ZMAT4: variants seen among roughly 807,000 people sequenced by gnomAD.
ZMAT4 encodes zinc finger matrin-type 4.
ZMAT4 carries 17 observed loss-of-function variants against 28.7 expected under a neutral mutation model. The ratio of observed to expected loss-of-function variants is 0.59; its 90% CI spans 0.41 to 0.89. The LOEUF is 0.89. Among genes scored for constraint, ZMAT4 ranks in the 40% least tolerant of loss-of-function variants. ZMAT4 has a pLI of 0.00. For missense variants in ZMAT4, 240 were observed against 283.8 expected (o/e 0.85, Z 1.11); for synonymous variants, 117 against 109.2 (o/e 1.07, Z -0.44).
rs559741020 is a variant in ZMAT4, at chr8:40,532,090, G to T, written c.*133C>A. ...TCATTTCCAAAAATCAAGATCAGTC[G>T]TATGTGAATCTGTGAATCCTTATAA... On this transcript the variant is annotated 3_prime_UTR_variant, in exon 7 of 7. Transcript: ENST00000297737. 8 of 762,046 alleles carry T rather than the reference G, an allele frequency of 1.0e-5. No individual in the cohort carries two copies. Among genetic ancestry groups the T allele is most frequent in the Non-Finnish European group, 1.5e-5 (8 of 528,716 alleles). The allele number at this position is 762,046 out of a possible 1,614,324, so 47.2% of individuals were successfully genotyped here.
At chr8:40,570,330 A>G (rs1439577705) in intron 6 of ZMAT4, among the ~76,000 whole-genome samples, 1 of 151,750 alleles carries the variant, frequency 6.6e-6, no homozygotes, top group Admixed American at 6.6e-5. Flanking sequence ...GATGACTGTC[A>G]AAACCCATCA....
At chr8:40,673,939 G>A (rs979498615) in intron 5 of ZMAT4, among the ~76,000 whole-genome samples, 7 of 152,110 alleles carry the variant, frequency 4.6e-5, no homozygotes, top group Admixed American at 1.3e-4. Context: ...CTGTCTTGCC[G>A]TGATTTCCCG....
At chr8:40,757,014 G>A (rs568686359) in intron 3 of ZMAT4, among the ~76,000 whole-genome samples, 13 of 152,126 alleles carry the variant, frequency 8.5e-5, no homozygotes, top group African/African-American at 2.2e-4. Flanking sequence ...CAGCCCTCTC[G>A]TGTTTTGGAA....
chr8:40,699,738 C>A (rs757677611), intron 3 of ZMAT4, among the ~76,000 whole-genome samples: 1 of 152,178 alleles, frequency 6.6e-6, no homozygotes, highest in Non-Finnish European at 1.5e-5. Context: ...TAACTACTTA[C>A]GCATGACATA....
intron 5 of ZMAT4, among the ~76,000 whole-genome samples, chr8:40,665,072 G>C (rs983245837): frequency 6.6e-6 from 1 of 152,168 alleles, no homozygotes; most frequent in Admixed American, 6.5e-5. Context: ...CAGGCGTGGT[G>C]GTGGGCACCT....
In ZMAT4 at chr8:40,890,642, T is replaced by C. The variant is rs2077261998; in HGVS notation, c.-5+7041A>G. Among the ~76,000 whole-genome samples, 3 of 152,176 alleles carry C rather than the reference T, an allele frequency of 2.0e-5. No homozygotes were observed. The South Asian group carries it at 6.2e-4, about 32-fold the overall frequency. ...CAACTGCTGGACCATTTTTCCTAGA[T>C]GCAAATGTGAGCATGTCATTTCCTG... On this transcript the variant is annotated intron_variant, in intron 1 of 6. Transcript: ENST00000297737.
At chr8:40,674,635 A>G (rs1808828261) in intron 5 of ZMAT4, 69 bp downstream of exon 5, 1 of 1,278,468 alleles carries the variant, frequency 7.8e-7, no homozygotes, top group Non-Finnish European at 1.1e-6. Context: ...AATCATTCCG[A>G]TTTGTGAAAG....
intron 5 of ZMAT4, among the ~76,000 whole-genome samples, chr8:40,661,813 C>G (rs771014294): frequency 6.6e-6 from 1 of 152,144 alleles, no homozygotes; most frequent in African/African-American, 2.4e-5. Context: ...ATACTACACC[C>G]GTTCTTGAGC....
chr8:40,560,249 C>G (rs945413135), intron 6 of ZMAT4, among the ~76,000 whole-genome samples: 1 of 151,106 alleles, frequency 6.6e-6, no homozygotes, highest in East Asian at 1.9e-4. Flanking sequence ...TACATTTTAT[C>G]TTAACTCATT....
chr8:40,839,779 G>C (rs529969825), intron 1 of ZMAT4, among the ~76,000 whole-genome samples: 1 of 152,340 alleles, frequency 6.6e-6, no homozygotes, highest in Middle Eastern at 3.4e-3. Context: ...TGGACATAGA[G>C]TGTGGAGTGA....
intron 1 of ZMAT4, among the ~76,000 whole-genome samples, chr8:40,857,168 C>CA (rs1197906943): frequency 6.6e-6 from 1 of 151,516 alleles, no homozygotes; most frequent in Non-Finnish European, 1.5e-5. Flanking sequence ...GACTGGGTTA[C>CA]AAAAAAGTAT....
chr8:40,542,013 C>T (rs2118382346), intron 6 of ZMAT4, among the ~76,000 whole-genome samples: 1 of 152,222 alleles, frequency 6.6e-6, no homozygotes, highest in East Asian at 1.9e-4. Context: ...GATGGAGAGG[C>T]AGAGCAGCAG....
intron 6 of ZMAT4, among the ~76,000 whole-genome samples, chr8:40,550,068 G>A (rs2118417310): frequency 6.6e-6 from 1 of 152,236 alleles, no homozygotes; most frequent in South Asian, 2.1e-4. Context: ...CCCTGAGAGT[G>A]TGTCTCACAG....
chr8:40,856,888 C>G (rs1244443874), intron 1 of ZMAT4, among the ~76,000 whole-genome samples: 2 of 152,286 alleles, frequency 1.3e-5, no homozygotes, highest in East Asian at 3.9e-4. Context: ...GAGTCTGCCA[C>G]TGGAAAGGGA....
chr8:40,881,037 GACT>G (rs1818203426), intron 1 of ZMAT4, among the ~76,000 whole-genome samples: 1 of 152,090 alleles, frequency 6.6e-6, no homozygotes, highest in South Asian at 2.1e-4. Context: ...CCTCTCTTGA[GACT>G]ACTTAGAATG....
intron 1 of ZMAT4, among the ~76,000 whole-genome samples, chr8:40,871,687 C>A (rs893648261): frequency 1.3e-5 from 2 of 152,150 alleles, no homozygotes; most frequent in African/African-American, 4.8e-5. Context: ...ACAACCCACC[C>A]GCTAGCTAGC....
chr8:40,635,270 C>T (rs1285018350), intron 5 of ZMAT4, among the ~76,000 whole-genome samples: 2 of 152,166 alleles, frequency 1.3e-5, no homozygotes, highest in East Asian at 3.8e-4. Context: ...GTCATTGCTT[C>T]CGCTAGGGGC....
intron 5 of ZMAT4, among the ~76,000 whole-genome samples, chr8:40,667,155 T>TA (rs1261678909): frequency 6.6e-6 from 1 of 151,984 alleles, no homozygotes; most frequent in Non-Finnish European, 1.5e-5. Context: ...TTATTTTTTT[T>TA]ATTTTTATTT....
chr8:40,619,031 T>C (rs1265379722), intron 5 of ZMAT4, among the ~76,000 whole-genome samples: 3 of 152,172 alleles, frequency 2.0e-5, no homozygotes, highest in Non-Finnish European at 4.4e-5. Context: ...TTTGGAGTAG[T>C]CCCACCTGAG....
Sources: allele counts gnomAD v4.1 joint callset (sites outside exome capture counted in the v4.1 genomes callset), GRCh38; gene constraint gnomAD v4.1.1; transcripts MANE v1.5; gene names NCBI Gene and HGNC (gene_info 2026-07-23, HGNC 2026-07-21).